Variants in ZZEF1 observed in about 807,000 individuals in gnomAD.
ZZEF1 encodes zinc finger ZZ-type and EF-hand domain-containing protein 1.
In ZZEF1, 157 loss-of-function variants were observed where a neutral mutation model predicts 342.8. That is an observed-to-expected ratio of 0.46 (90% CI 0.40 to 0.52). The LOEUF (loss-of-function observed/expected upper bound fraction) is 0.52, where lower values mean the gene tolerates loss of function less well. ZZEF1 is among the 20% of genes least tolerant of loss of function. ZZEF1 has a pLI of 0.00. For missense variants in ZZEF1, 3,480 were observed against 3,725.6 expected (o/e 0.93, Z 1.72); for synonymous variants, 1,505 against 1,429.1 (o/e 1.05, Z -1.20).
chr17:4,100,150 G>C (rs1032659980), intron 9 of ZZEF1, among the ~76,000 whole-genome samples: 6 of 152,138 alleles, frequency 3.9e-5, no homozygotes, highest in Non-Finnish European at 7.4e-5. Flanking sequence ...AATCAGACGT[G>C]TACCCATGAG....
intron 42 of ZZEF1, among the ~76,000 whole-genome samples, chr17:4,028,703 T>A (rs2056471872): frequency 6.6e-6 from 1 of 152,134 alleles, no homozygotes. Context: ...ACAGGTAGGT[T>A]AAAGTGAAAA....
intron 3 of ZZEF1, 32 bp downstream of exon 3, chr17:4,116,940 G>A (rs2058403792): frequency 6.5e-7 from 1 of 1,528,396 alleles, no homozygotes; most frequent in African/African-American, 1.4e-5. Context: ...AATGATCAGA[G>A]TATTTTCAGG....
chr17:4,014,144 C>T lies in ZZEF1; in HGVS notation c.8359G>A (p.Glu2787Lys), dbSNP rs1267362816. 1 of 1,614,148 alleles carries T rather than the reference C, an allele frequency of 6.2e-7. No individual in the cohort carries two copies. The highest frequency in any genetic ancestry group is 8.5e-7 in the Non-Finnish European group (1 of 1,180,028). The change falls in exon 51 of 55, where the codon GAG (glutamate) becomes AAG (lysine). Residue 2787 changes from glutamate (E) to lysine (K), a missense_variant. This residue lies in a region of ZZEF1 where 1,269 missense variants were observed against 1,342.4 expected (regional missense o/e 0.95). Transcript: ENST00000381638. The surrounding 1 kb of genome is among the most constrained non-coding windows in gnomAD (Gnocchi z 4.4). ...GTCACGGTGAATCTGTAGCCCCACT[C>T]GGTGTTGCTCATGTCGGAGGTGAAG... ...YRFTSDMSNT[E>K]WGYRFTVTAG...
At chr17:4,011,168 A>G (rs2055943440) in intron 52 of ZZEF1, among the ~76,000 whole-genome samples, 1 of 152,046 alleles carries the variant, frequency 6.6e-6, no homozygotes, top group South Asian at 2.1e-4. Context: ...TTGGGAGGCT[A>G]AGGTGGGGGG....
intron 39 of ZZEF1, among the ~76,000 whole-genome samples, chr17:4,040,039 T>TA (rs1264886210): frequency 6.6e-6 from 1 of 152,082 alleles, no homozygotes; most frequent in Non-Finnish European, 1.5e-5. Context: ...TTCCAAGGGT[T>TA]AAAAAAAGAA....
At chr17:4,012,784 G>A (rs375501984) in intron 52 of ZZEF1, among the ~76,000 whole-genome samples, 15 of 151,902 alleles carry the variant, frequency 9.9e-5, no homozygotes, top group East Asian at 9.6e-4. Flanking sequence ...TAAGGTCACT[G>A]GATATAACGG....
At chr17:4,085,532 C>G in intron 16 of ZZEF1, 138 bp downstream of exon 16, 1 of 1,035,324 alleles carries the variant, frequency 9.7e-7, no homozygotes. Flanking sequence ...AGATATCTGT[C>G]CCACACAAAG....
chr17:4,026,523 CTT>C (rs1237651408), intron 42 of ZZEF1, among the ~76,000 whole-genome samples: 12 of 140,146 alleles, frequency 8.6e-5, no homozygotes, highest in Non-Finnish European at 1.4e-4. Flanking sequence ...TTTTTTTTTT[CTT>C]TTTTTTTTTT....
chr17:4,082,379 G>A, intron 17 of ZZEF1, 58 bp downstream of exon 17: 1 of 1,574,348 alleles, frequency 6.4e-7, no homozygotes, highest in Non-Finnish European at 8.7e-7. Flanking sequence ...GCAAGCTCAA[G>A]AAAACAACTT....
intron 37 of ZZEF1, among the ~76,000 whole-genome samples, chr17:4,046,075 T>C (rs1482219672): frequency 1.3e-5 from 2 of 152,146 alleles, no homozygotes; most frequent in South Asian, 2.1e-4. Flanking sequence ...GATCCACCCA[T>C]CTTGGCCTCC....
intron 26 of ZZEF1, among the ~76,000 whole-genome samples, chr17:4,068,368 C>T (rs2057443654): frequency 6.6e-6 from 1 of 152,128 alleles, no homozygotes; most frequent in African/African-American, 2.4e-5. Context: ...CCCTCTGCCT[C>T]CCGGGTTCAA....
At chr17:4,009,805 AG>A (rs1238649759) in intron 52 of ZZEF1, 48 bp from the exon 53 acceptor site, 2 of 1,594,962 alleles carry the variant, frequency 1.3e-6, no homozygotes. Flanking sequence ...AGCCATGCCA[AG>A]GTCACATGGC....
intron 39 of ZZEF1, among the ~76,000 whole-genome samples, chr17:4,038,258 T>C (rs1477717074): frequency 2.6e-5 from 4 of 152,172 alleles, no homozygotes; most frequent in Non-Finnish European, 4.4e-5. Context: ...TGTGAACTGG[T>C]ACAAACAACG....
At chr17:4,013,087 T>C (rs1438821704) in intron 52 of ZZEF1, among the ~76,000 whole-genome samples, 1 of 129,948 alleles carries the variant, frequency 7.7e-6, no homozygotes, top group African/African-American at 2.9e-5. Flanking sequence ...AGACTCTGTC[T>C]CAAAAAAAAA....
At chr17:4,046,148 T>C in intron 37 of ZZEF1, among the ~76,000 whole-genome samples, 1 of 152,120 alleles carries the variant, frequency 6.6e-6, no homozygotes, top group African/African-American at 2.4e-5. Context: ...AAAAACAGAA[T>C]AAACATACCT....
chr17:4,122,907 G>A (rs2058507038), intron 2 of ZZEF1, among the ~76,000 whole-genome samples: 1 of 135,816 alleles, frequency 7.4e-6, no homozygotes, highest in East Asian at 2.3e-4. Flanking sequence ...GTCAGCTATT[G>A]TTATTGACCT....
rs778818943 is a variant in ZZEF1 at position 4,016,894 on chromosome 17, G to C, written c.8002-428C>G. On this transcript the variant is annotated intron_variant, in intron 48 of 54. Coordinates refer to ENST00000381638, the MANE Select transcript of ZZEF1 (RefSeq NM_015113.4). The surrounding 1 kb of genome is among the most constrained non-coding windows in gnomAD (Gnocchi z 4.4). ...CTATGCAAGGGCCTAGTAGAGGCAGGGTGGCTCCCTCTGTCCCTTCCGAAA... is the reference window on the plus strand; with the variant it reads ...CTATGCAAGGGCCTAGTAGAGGCAGCGTGGCTCCCTCTGTCCCTTCCGAAA... The C allele has an allele frequency of 6.8e-5, 13 of 191,408 alleles. No homozygotes were observed. The highest frequency in any genetic ancestry group is 9.8e-5 in the Non-Finnish European group (9 of 91,926). The allele number at this position is 191,408 out of a possible 1,614,324, so 11.9% of individuals were successfully genotyped here.
At chr17:4,022,054 T>C (rs1041465843) in intron 44 of ZZEF1, among the ~76,000 whole-genome samples, 1 of 152,236 alleles carries the variant, frequency 6.6e-6, no homozygotes, top group African/African-American at 2.4e-5. Flanking sequence ...TAATATGTTG[T>C]AGCACATTTT....
chr17:4,116,451 T>A (rs1242633792), intron 3 of ZZEF1, among the ~76,000 whole-genome samples: 3 of 152,234 alleles, frequency 2.0e-5, no homozygotes, highest in African/African-American at 7.2e-5. Context: ...TATATCGGCG[T>A]CTATGCCTGG....
Sources: allele counts gnomAD v4.1 joint callset (sites outside exome capture counted in the v4.1 genomes callset), GRCh38; gene constraint gnomAD v4.1.1; regional missense constraint gnomAD v4.1.1; non-coding constraint Gnocchi (gnomAD v3.1); transcripts MANE v1.5; gene names NCBI Gene and HGNC (gene_info 2026-07-23, HGNC 2026-07-21).